AHCTF1: variants seen among roughly 807,000 people sequenced by gnomAD.
The protein encoded by AHCTF1 is protein ELYS.
A neutral mutation model predicts 248.4 loss-of-function variants in AHCTF1; 24 were observed. The observed-to-expected ratio is 0.10, with a 90% CI of 0.07 to 0.14. The LOEUF (loss-of-function observed/expected upper bound fraction) is 0.14, where lower values mean the gene tolerates loss of function less well. AHCTF1 is among the 10% of genes least tolerant of loss of function. The pLI, the probability that AHCTF1 is intolerant of heterozygous loss-of-function variation, is 1.00. For missense variants in AHCTF1, 2,206 were observed against 2,636.2 expected, an observed-to-expected ratio of 0.84 and a Z score of 3.57; for synonymous variants, 786 against 929.8, an observed-to-expected ratio of 0.85 and a Z score of 2.81.
intron 3 of AHCTF1, among the ~76,000 whole-genome samples, chr1:246,914,323 C>A (rs1414298249): frequency 6.6e-6 from 1 of 152,182 alleles, no homozygotes; most frequent in Non-Finnish European, 1.5e-5. Context: ...ACAGGGGATT[C>A]TCAACCTGTA....
intron 31 of AHCTF1, 149 bp from the exon 32 acceptor site, chr1:246,853,448 C>T: frequency 1.7e-6 from 1 of 574,466 alleles, no homozygotes; most frequent in Non-Finnish European, 3.1e-6. Context: ...ACTTCTTAAA[C>T]AATACACACC....
At chr1:246,926,703 A>G (rs1181783954) in intron 1 of AHCTF1, among the ~76,000 whole-genome samples, 1 of 151,578 alleles carries the variant, frequency 6.6e-6, no homozygotes, top group African/African-American at 2.4e-5. Context: ...TAAATACAGA[A>G]AACTAACCAG....
At chr1:246,891,115 A>G in intron 15 of AHCTF1, 55 bp from the exon 16 acceptor site, 2 of 1,124,810 alleles carry the variant, frequency 1.8e-6, no homozygotes, top group Non-Finnish European at 2.5e-6. Flanking sequence ...AAGATGCTCC[A>G]CAGTTTTCAA....
intron 21 of AHCTF1, among the ~76,000 whole-genome samples, chr1:246,882,069 C>T (rs1663481924): frequency 6.7e-6 from 1 of 149,992 alleles, no homozygotes; most frequent in Non-Finnish European, 1.5e-5. Flanking sequence ...ACCATCTCTG[C>T]TCACTGCAAG....
At chr1:246,909,491 T>C (rs1665649795) in intron 4 of AHCTF1, among the ~76,000 whole-genome samples, 2 of 151,730 alleles carry the variant, frequency 1.3e-5, no homozygotes, top group South Asian at 4.2e-4. Flanking sequence ...CATACCTTTG[T>C]CCAGTGTATC....
At chr1:246,931,162 C>T in intron 1 of AHCTF1, 2 of 1,550,318 alleles carry the variant, frequency 1.3e-6, no homozygotes, top group South Asian at 2.4e-5. Flanking sequence ...GGAACACACG[C>T]CAACACAGGA....
chr1:246,845,369 A>G (rs529913705), intron 33 of AHCTF1, among the ~76,000 whole-genome samples: 1 of 145,708 alleles, frequency 6.9e-6, no homozygotes, highest in Non-Finnish European at 1.6e-5. Flanking sequence ...GATTCTTAAA[A>G]AAAAGAAAAA....
chr1:246,918,449 G>A, intron 1 of AHCTF1, 72 bp from the exon 2 acceptor site: 3 of 1,352,044 alleles, frequency 2.2e-6, no homozygotes, highest in South Asian at 3.5e-5. Context: ...TGTCCAGCCA[G>A]GAAAAACAGT....
chr1:246,913,190 T>C (rs1417952023), intron 4 of AHCTF1, 42 bp downstream of exon 4: 2 of 1,491,804 alleles, frequency 1.3e-6, no homozygotes, highest in African/African-American at 1.4e-5. Flanking sequence ...CATCAGAATA[T>C]CCAGGTGCTC....
chr1:246,877,041 T>C lies in AHCTF1; in HGVS notation c.2846A>G (p.Gln949Arg). 1 of 1,612,226 alleles carries C rather than the reference T, an allele frequency of 6.2e-7. No individual in the cohort carries two copies. The highest frequency in any genetic ancestry group is 1.1e-5 in the South Asian group (1 of 90,998). Residue 949 changes from glutamine to arginine, a missense_variant, in exon 23 of 36, where the codon CAG becomes CGG. By Grantham distance (43) the Gln-to-Arg change is conservative. Coordinates refer to ENST00000648844, the MANE Select transcript of AHCTF1 (RefSeq NM_001323342.2). ...GTGCACTAAAAGGAATTCATGATTCTGAACGCTGGCACTGGACTGCAAAAA... is the reference window on the plus strand; with the variant it reads ...GTGCACTAAAAGGAATTCATGATTCCGAACGCTGGCACTGGACTGCAAAAA... ...VKFLQSSASV[Q>R]NHEFLLVHHL...
chr1:246,911,680 C>T (rs1280860616), intron 4 of AHCTF1, among the ~76,000 whole-genome samples: 1 of 152,040 alleles, frequency 6.6e-6, no homozygotes, highest in Non-Finnish European at 1.5e-5. Context: ...GACGGGGTTT[C>T]TCCATGTTGG....
chr1:246,915,944 T>C (rs1300952421), intron 3 of AHCTF1, among the ~76,000 whole-genome samples, 198 bp downstream of exon 3: 1 of 152,244 alleles, frequency 6.6e-6, no homozygotes, highest in East Asian at 1.9e-4. Context: ...ATTTTAAATG[T>C]TAAGTTCCTT....
At chr1:246,929,051 G>A (rs1667142235) in intron 1 of AHCTF1, among the ~76,000 whole-genome samples, 1 of 152,150 alleles carries the variant, frequency 6.6e-6, no homozygotes, top group Non-Finnish European at 1.5e-5. Context: ...AAGAATAAAT[G>A]CTACTACAAT....
chr1:246,915,413 T>A (rs1032641668), intron 3 of AHCTF1, among the ~76,000 whole-genome samples: 1 of 152,206 alleles, frequency 6.6e-6, no homozygotes, highest in East Asian at 1.9e-4. Flanking sequence ...AAACCTAACG[T>A]TTCTGGCCCC....
chr1:246,870,219 G>A (rs150420552), intron 24 of AHCTF1, among the ~76,000 whole-genome samples: 6 of 152,248 alleles, frequency 3.9e-5, no homozygotes, highest in Middle Eastern at 3.4e-3. Flanking sequence ...CAAGGTGGGA[G>A]GATCACTTGA....
At chr1:246,867,584 G>C in intron 25 of AHCTF1, 77 bp downstream of exon 25, 1 of 1,517,236 alleles carries the variant, frequency 6.6e-7, no homozygotes, top group Non-Finnish European at 9.0e-7. Flanking sequence ...CAAAGAGAGT[G>C]GATTGTTGAT....
chr1:246,886,486 T>A (rs1203587890), intron 20 of AHCTF1, among the ~76,000 whole-genome samples: 1 of 152,204 alleles, frequency 6.6e-6, no homozygotes, highest in East Asian at 1.9e-4. Flanking sequence ...AGAGATGACT[T>A]AAAATACCCA....
intron 4 of AHCTF1, among the ~76,000 whole-genome samples, chr1:246,912,344 A>G (rs1451047473): frequency 1.3e-5 from 2 of 151,768 alleles, no homozygotes; most frequent in African/African-American, 2.4e-5. Context: ...TTAGCCAGGC[A>G]TGGTGGCGTG....
intron 33 of AHCTF1, among the ~76,000 whole-genome samples, chr1:246,849,186 T>C (rs977323813): frequency 4.6e-5 from 7 of 152,322 alleles, no homozygotes; most frequent in Non-Finnish European, 1.0e-4. Flanking sequence ...TGAATATGGA[T>C]TGAAATAATT....
Sources: allele counts gnomAD v4.1 joint callset (sites outside exome capture counted in the v4.1 genomes callset), GRCh38; gene constraint gnomAD v4.1.1; transcripts MANE v1.5; gene names NCBI Gene and HGNC (gene_info 2026-07-23, HGNC 2026-07-21).